Variants in PLCB4 observed in about 807,000 individuals in gnomAD.
PLCB4 encodes the protein 1-phosphatidylinositol 4,5-bisphosphate phosphodiesterase beta-4.
A neutral mutation model predicts 178.8 loss-of-function variants in PLCB4; 77 were observed. The observed-to-expected ratio is 0.43, with a 90% CI of 0.36 to 0.52. PLCB4 has a LOEUF of 0.52. Among genes scored for constraint, PLCB4 ranks in the 20% least tolerant of loss-of-function variants. PLCB4 has a pLI of 0.00. For synonymous variants in PLCB4, 496 were observed against 490.8 expected, an observed-to-expected ratio of 1.01 and a Z score of -0.14; for missense variants, 1,024 against 1,453.4, an observed-to-expected ratio of 0.70 and a Z score of 4.80.
chr20:9,184,419 G>A (rs568339987), intron 2 of PLCB4, among the ~76,000 whole-genome samples: 51 of 152,264 alleles, frequency 3.3e-4, no homozygotes, highest in Non-Finnish European at 5.7e-4. Flanking sequence ...CCCCCAGCAT[G>A]GTGGACACTG....
At chr20:9,268,434 T>G (rs985660272) in intron 3 of PLCB4, among the ~76,000 whole-genome samples, 1 of 152,224 alleles carries the variant, frequency 6.6e-6, no homozygotes, top group African/African-American at 2.4e-5. Context: ...GTATCTCAAG[T>G]AAATCTCAGA....
intron 2 of PLCB4, among the ~76,000 whole-genome samples, chr20:9,169,772 A>G (rs1227486887): frequency 6.6e-6 from 1 of 152,152 alleles, no homozygotes; most frequent in African/African-American, 2.4e-5. Flanking sequence ...AATTTCAAAC[A>G]TATAGTAATT....
chr20:9,221,080 C>T (rs537447725), intron 3 of PLCB4, among the ~76,000 whole-genome samples: 1 of 151,598 alleles, frequency 6.6e-6, no homozygotes, highest in Non-Finnish European at 1.5e-5. Context: ...TTTATCAAGG[C>T]AGGGCTCCCA....
At chr20:9,093,857 T>C (rs1041223636) in intron 1 of PLCB4, among the ~76,000 whole-genome samples, 1 of 152,108 alleles carries the variant, frequency 6.6e-6, no homozygotes, top group African/African-American at 2.4e-5. Context: ...TTGTGAGAGC[T>C]CAGCTTTAGT....
chr20:9,433,506 A>G (rs971199075), intron 28 of PLCB4, among the ~76,000 whole-genome samples: 1 of 152,206 alleles, frequency 6.6e-6, no homozygotes, highest in African/African-American at 2.4e-5. Flanking sequence ...CTGCAGAGAC[A>G]AGTTATTAGG....
At chr20:9,152,395 TGG>T (rs1301597969) in intron 2 of PLCB4, among the ~76,000 whole-genome samples, 1 of 152,088 alleles carries the variant, frequency 6.6e-6, no homozygotes, top group Admixed American at 6.5e-5. Flanking sequence ...TGTCCCTGTG[TGG>T]TGTACAGCCT....
intron 2 of PLCB4, among the ~76,000 whole-genome samples, chr20:9,140,110 T>C (rs1454947150): frequency 1.3e-5 from 2 of 152,090 alleles, no homozygotes; most frequent in Non-Finnish European, 2.9e-5. Flanking sequence ...TTTAAGTTTG[T>C]CTAATATGCG....
chr20:9,364,065 A>T (rs1157455786), intron 8 of PLCB4, among the ~76,000 whole-genome samples: 1 of 152,224 alleles, frequency 6.6e-6, no homozygotes, highest in Non-Finnish European at 1.5e-5. Flanking sequence ...AATACTACTT[A>T]TCTTGTTATG....
At chr20:9,149,062 T>C (rs1327545149) in intron 2 of PLCB4, among the ~76,000 whole-genome samples, 1 of 152,066 alleles carries the variant, frequency 6.6e-6, no homozygotes, top group Non-Finnish European at 1.5e-5. Flanking sequence ...TCCAGGTAGG[T>C]GTAGCCAACA....
intron 2 of PLCB4, among the ~76,000 whole-genome samples, chr20:9,206,300 T>C (rs6133682): frequency 3.0e-5 from 1 of 33,054 alleles, no homozygotes; most frequent in South Asian, 1.0e-3. Flanking sequence ...TTCTTTTTTC[T>C]TTTTTTTTTT....
At chr20:9,238,205 T>C (rs952596875) in intron 3 of PLCB4, among the ~76,000 whole-genome samples, 2 of 152,184 alleles carry the variant, frequency 1.3e-5, no homozygotes, top group African/African-American at 4.8e-5. Flanking sequence ...TAGGTGCCTA[T>C]GGATATAGTG....
intron 2 of PLCB4, among the ~76,000 whole-genome samples, chr20:9,177,498 G>A (rs767021901): frequency 1.3e-5 from 2 of 152,174 alleles, no homozygotes; most frequent in Non-Finnish European, 2.9e-5. Flanking sequence ...AGGCTTGGGG[G>A]CAAAGTATAA....
At chr20:9,325,668 T>C (rs549375082) in intron 4 of PLCB4, among the ~76,000 whole-genome samples, 3 of 152,234 alleles carry the variant, frequency 2.0e-5, no homozygotes, top group African/African-American at 7.2e-5. Context: ...TATCGTCAAG[T>C]AAAAGATAAA....
rs201119760 is a variant in PLCB4 at position 9,401,526 on chromosome 20, T to C, written c.1547T>C (p.Phe516Ser). ...QEEEAHPEFK[F>S]GNELSADDLG... ...GAGGAAGCTCACCCCGAATTCAAAT[T>C]TGGAAATGAACTTTCTGCTGATGAC... is the stretch of plus-strand genomic sequence containing the variant. Residue 516 changes from phenylalanine to serine, a missense_variant, in exon 20 of 40, where the codon TTT becomes TCT. This residue lies in a region of PLCB4 where 263 missense variants were observed against 417.4 expected (regional missense o/e 0.63). Coordinates refer to ENST00000378473, the MANE Select transcript of PLCB4 (RefSeq NM_001377142.1). 6.2e-7 allele frequency: 1 copy of C among 1,613,928 alleles called. No homozygotes were observed. The highest frequency in any genetic ancestry group is 8.5e-7 in the Non-Finnish European group (1 of 1,179,910).
At chr20:9,454,755 G>T (rs1290943461) in intron 33 of PLCB4, among the ~76,000 whole-genome samples, 1 of 152,154 alleles carries the variant, frequency 6.6e-6, no homozygotes, top group Non-Finnish European at 1.5e-5. Flanking sequence ...GGAGTAAATG[G>T]TGGGTAACTA....
intron 2 of PLCB4, among the ~76,000 whole-genome samples, chr20:9,190,946 C>G (rs971445970): frequency 1.3e-5 from 2 of 152,094 alleles, no homozygotes; most frequent in African/African-American, 4.8e-5. Flanking sequence ...ACCCCCTCCT[C>G]CTTGATATAC....
intron 13 of PLCB4, among the ~76,000 whole-genome samples, chr20:9,383,290 T>G (rs1191063012): frequency 6.6e-6 from 1 of 152,234 alleles, no homozygotes; most frequent in East Asian, 1.9e-4. Context: ...AAATTATGTA[T>G]TCTTTTACAT....
intron 7 of PLCB4, among the ~76,000 whole-genome samples, chr20:9,339,849 G>A (rs1004281503): frequency 2.6e-5 from 4 of 152,090 alleles, no homozygotes; most frequent in Admixed American, 2.0e-4. Flanking sequence ...GCATACCATT[G>A]CCCTGGCAAG....
At chr20:9,189,920 A>G (rs1322337096) in intron 2 of PLCB4, among the ~76,000 whole-genome samples, 1 of 152,168 alleles carries the variant, frequency 6.6e-6, no homozygotes, top group East Asian at 1.9e-4. Flanking sequence ...ATTAGGTGTC[A>G]ACATGAATTT....
Sources: allele counts gnomAD v4.1 joint callset (sites outside exome capture counted in the v4.1 genomes callset), GRCh38; gene constraint gnomAD v4.1.1; regional missense constraint gnomAD v4.1.1; transcripts MANE v1.5; gene names NCBI Gene and HGNC (gene_info 2026-07-23, HGNC 2026-07-21).